The following ALX4 variants were observed in gnomAD, a reference collection of about 807,000 sequenced individuals.
ALX4 encodes the protein ALX homeobox 4.
In ALX4, 22 loss-of-function variants were observed where a neutral mutation model predicts 40.6. That is an observed-to-expected ratio of 0.54 (90% CI 0.39 to 0.77). The LOEUF (loss-of-function observed/expected upper bound fraction) is 0.77, where lower values mean the gene tolerates loss of function less well. ALX4 is among the 30% of genes least tolerant of loss of function. ALX4 has a pLI of 0.00. For missense variants in ALX4, 556 were observed against 564.8 expected (o/e 0.98, Z 0.16); for synonymous variants, 266 against 240.5 (o/e 1.11, Z -0.98).
chr11:44,279,341 T>G (rs1277647399), intron 1 of ALX4, among the ~76,000 whole-genome samples: 1 of 152,204 alleles, frequency 6.6e-6, no homozygotes, highest in Non-Finnish European at 1.5e-5. Flanking sequence ...CAGTTCCCAC[T>G]GCTGTTCCTC....
intron 1 of ALX4, among the ~76,000 whole-genome samples, chr11:44,284,562 C>G (rs1465890342): frequency 6.6e-6 from 1 of 152,200 alleles, no homozygotes; most frequent in Non-Finnish European, 1.5e-5. Context: ...AATCTGCCAA[C>G]CCTGTACATC....
At chr11:44,304,924 C>T (rs550517777) in intron 1 of ALX4, among the ~76,000 whole-genome samples, 179 of 152,312 alleles carry the variant, frequency 1.2e-3, no homozygotes, top group African/African-American at 3.9e-3. Flanking sequence ...CGGCGAGGTT[C>T]CTGGCGCAGC....
chr11:44,305,482 AC>A (rs1168770770), intron 1 of ALX4, among the ~76,000 whole-genome samples: 6 of 151,890 alleles, frequency 4.0e-5, no homozygotes, highest in Non-Finnish European at 7.4e-5. Context: ...TCCTGCGATC[AC>A]CCCACAGTCA....
chr11:44,309,208 A>C, intron 1 of ALX4, among the ~76,000 whole-genome samples: 1 of 147,938 alleles, frequency 6.8e-6, no homozygotes, highest in African/African-American at 2.5e-5. Context: ...GCAGCCCCGC[A>C]GCCCCGCAGC....
intron 1 of ALX4, among the ~76,000 whole-genome samples, chr11:44,306,649 T>G (rs1956470288): frequency 6.6e-6 from 1 of 152,256 alleles, no homozygotes; most frequent in Non-Finnish European, 1.5e-5. Flanking sequence ...ACTTTCCCAA[T>G]GCTCCTGGGA....
At chr11:44,266,757 C>T (rs1420228338) in intron 3 of ALX4, among the ~76,000 whole-genome samples, 1 of 152,072 alleles carries the variant, frequency 6.6e-6, no homozygotes, top group African/African-American at 2.4e-5. Flanking sequence ...TCTAAGCATC[C>T]CATGTGCCTG....
At chr11:44,290,845 C>G (rs901683573) in intron 1 of ALX4, among the ~76,000 whole-genome samples, 1 of 152,176 alleles carries the variant, frequency 6.6e-6, no homozygotes, top group African/African-American at 2.4e-5. Flanking sequence ...TGAGGTCTGA[C>G]TGAAGTAGAG....
Position 44,267,616 on chromosome 11 carries a change from A to G in ALX4, c.784T>C (p.Phe262Leu). ...CTCCACTTGGCCCTTCGGTTCTGGA[A>G]CCAGACCTACAAGACGCGAAAAAGC... Reference protein sequence around the residue: ...DLTEARVQVWFQNRRAKWRKR... With the variant: ...DLTEARVQVWLQNRRAKWRKR... Residue 262 changes from phenylalanine (F) to leucine (L), a missense_variant, in exon 3 of 4, where the codon TTC becomes CTC. By Grantham distance (22) the Phe-to-Leu change is conservative. Coordinates refer to ENST00000652299, the MANE Select transcript of ALX4 (RefSeq NM_021926.4). 1 of 1,614,140 alleles carries G rather than the reference A, an allele frequency of 6.2e-7. No individual in the cohort carries two copies. The highest frequency in any genetic ancestry group is 8.5e-7 in the Non-Finnish European group (1 of 1,180,004).
rs542547574 is a variant in ALX4, at chr11:44,284,267, G to T, written c.467-8609C>A. Among the ~76,000 whole-genome samples the T allele has an allele frequency of 4.6e-5, 7 of 152,176 alleles. No homozygotes were observed. In the East Asian group the frequency reaches 1.2e-3, roughly 25 times the overall value. On this transcript the variant is annotated intron_variant, in intron 1 of 3. Coordinates refer to ENST00000652299, the MANE Select transcript of ALX4 (RefSeq NM_021926.4). ...AATTAATTTTCTATTTGTTTTCCCAGGAACAGGTTGAAATATCTGAAAGCA... is the reference window on the plus strand; with the variant it reads ...AATTAATTTTCTATTTGTTTTCCCATGAACAGGTTGAAATATCTGAAAGCA...
Position 44,275,486 on chromosome 11 carries a change from C to A in ALX4, c.639G>T (p.Lys213Asn). The change falls in exon 2 of 4, where the codon AAG (lysine) becomes AAT (asparagine). Residue 213 changes from lysine (K) to asparagine (N), a missense_variant. Transcript: ENST00000652299. Reference protein sequence around the residue: ...EKADSESNKGKKRRNRTTFTS... With the variant: ...EKADSESNKGNKRRNRTTFTS... Reference sequence around the variant, plus strand: ...TGAAGGTGGTCCGGTTCCGCCGCTTCTTGCCCTTGTTGCTCTCTGAGTCGG... The same window carrying A: ...TGAAGGTGGTCCGGTTCCGCCGCTTATTGCCCTTGTTGCTCTCTGAGTCGG... 1 of 1,614,058 alleles carries A rather than the reference C, an allele frequency of 6.2e-7. No individual in the cohort carries two copies. The highest frequency in any genetic ancestry group is 8.5e-7 in the Non-Finnish European group (1 of 1,179,894).
At position 44,310,003 on chromosome 11, in the gene ALX4, G is replaced by A. The variant is rs1590708300; in HGVS notation, c.60C>T (p.Tyr20=). Residue 20 remains tyrosine (Y), a synonymous_variant, in exon 1 of 4, where the codon TAC becomes TAT. Coordinates refer to ENST00000652299, the MANE Select transcript of ALX4 (RefSeq NM_021926.4). ...CCCGACTCTGCGACACCGGGCTGTA[G>A]TAGGCGTCCATGGCAGCGGCCGGCG... is the stretch of plus-strand genomic sequence containing the variant. ...CESPAAAMDA[Y]YSPVSQSREG... 6.2e-7 allele frequency: 1 copy of A among 1,603,846 alleles called. No individual in the cohort carries two copies.
Position 44,264,442 on chromosome 11 carries a change from A to C in ALX4, c.*412T>G. 1.0e-5 allele frequency: 2 copies of C among 192,482 alleles called. No individual in the cohort carries two copies. The highest frequency in any genetic ancestry group is 2.1e-5 in the Non-Finnish European group (2 of 93,524). The allele number at this position is 192,482 out of a possible 1,614,324, so 11.9% of individuals were successfully genotyped here. A position where few individuals can be genotyped will look rare whatever the true frequency, so the allele number is the denominator to read the frequency against. On this transcript the variant is annotated 3_prime_UTR_variant, in exon 4 of 4. Transcript: ENST00000652299. Reference sequence around the variant, plus strand: ...GGCCTGGTGACCAGGGGACCCCACTAGGAGCGGGAAGGATGGACAAGACTG... The same window carrying C: ...GGCCTGGTGACCAGGGGACCCCACTCGGAGCGGGAAGGATGGACAAGACTG...
rs372889473 is a variant in ALX4, at chr11:44,269,176, C to T, written c.778-1554G>A. ...TGCTTCCTCACAGACGCTGCCTGGC[C>T]TCTTTGGGCATCCAGTGTAGCTGGC... On this transcript the variant is annotated intron_variant, in intron 2 of 3. Coordinates refer to ENST00000652299, the MANE Select transcript of ALX4 (RefSeq NM_021926.4). 5.3e-5 allele frequency among the ~76,000 whole-genome samples: 8 copies of T among 152,356 alleles called. No individual in the cohort carries two copies. The East Asian group carries it at 7.7e-4, about 15-fold the overall frequency.
intron 2 of ALX4, among the ~76,000 whole-genome samples, chr11:44,273,462 C>T (rs186632508): frequency 6.6e-6 from 1 of 152,230 alleles, no homozygotes; most frequent in African/African-American, 2.4e-5. Context: ...CTGGTCGGGG[C>T]AGATACAGCT....
chr11:44,289,310 G>A (rs1162864742), intron 1 of ALX4, among the ~76,000 whole-genome samples: 1 of 152,146 alleles, frequency 6.6e-6, no homozygotes, highest in Non-Finnish European at 1.5e-5. Context: ...AAATTACCAA[G>A]CTCCTTAGAC....
intron 1 of ALX4, among the ~76,000 whole-genome samples, chr11:44,298,744 A>C (rs1018406854): frequency 2.0e-5 from 3 of 152,046 alleles, no homozygotes; most frequent in Non-Finnish European, 2.9e-5. Context: ...ACTTGTGCTA[A>C]ATAGAGCTAC....
intron 1 of ALX4, among the ~76,000 whole-genome samples, chr11:44,280,484 A>G (rs1956303385): frequency 6.6e-6 from 1 of 152,236 alleles, no homozygotes; most frequent in African/African-American, 2.4e-5. Context: ...GCCACCCGCC[A>G]GGGGTTGGAC....
intron 1 of ALX4, among the ~76,000 whole-genome samples, chr11:44,290,147 C>T (rs1274878938): frequency 6.6e-6 from 1 of 152,202 alleles, no homozygotes; most frequent in Non-Finnish European, 1.5e-5. Context: ...GGGCGTGTCC[C>T]AAGACATCTC....
chr11:44,287,946 C>T (rs1956348637), intron 1 of ALX4, among the ~76,000 whole-genome samples: 1 of 152,196 alleles, frequency 6.6e-6, no homozygotes, highest in Non-Finnish European at 1.5e-5. Flanking sequence ...GGCAAAGAGG[C>T]ATATGAGTCA....
Sources: allele counts gnomAD v4.1 joint callset (sites outside exome capture counted in the v4.1 genomes callset), GRCh38; gene constraint gnomAD v4.1.1; transcripts MANE v1.5; gene names NCBI Gene and HGNC (gene_info 2026-07-23, HGNC 2026-07-21).